TCF7L1: variants seen among roughly 807,000 people sequenced by gnomAD.
TCF7L1 encodes the protein transcription factor 7-like 1.
In TCF7L1, 18 loss-of-function variants were observed where a neutral mutation model predicts 63.7. The observed-to-expected ratio is 0.28, with a 90% confidence interval of 0.20 to 0.42. TCF7L1 has a LOEUF of 0.42. TCF7L1 is among the 10% of genes least tolerant of loss of function. TCF7L1 has a pLI of 1.00. For synonymous variants in TCF7L1, 355 were observed against 340.9 expected (o/e 1.04, Z -0.46); for missense variants, 654 against 779.3 (o/e 0.84, Z 1.91).
At chr2:85,145,972 A>G (rs933288825) in intron 3 of TCF7L1, among the ~76,000 whole-genome samples, 20 of 152,038 alleles carry the variant, frequency 1.3e-4, no homozygotes, top group Non-Finnish European at 7.4e-5. Context: ...CGACCTCCCA[A>G]AGTGCTGGGA....
At chr2:85,168,007 A>G (rs975674706) in intron 3 of TCF7L1, among the ~76,000 whole-genome samples, 6 of 152,196 alleles carry the variant, frequency 3.9e-5, no homozygotes, top group African/African-American at 1.4e-4. Context: ...AAATAGTCAA[A>G]CTTAAAGAAC....
intron 6 of TCF7L1, 60 bp from the exon 7 acceptor site, chr2:85,304,195 C>T: frequency 6.6e-7 from 1 of 1,520,356 alleles, no homozygotes; most frequent in Non-Finnish European, 9.1e-7. Context: ...TTCCCAAGTG[C>T]CTCTCTTCCT....
chr2:85,230,303 A>G (rs1385056005), intron 3 of TCF7L1, among the ~76,000 whole-genome samples: 1 of 152,184 alleles, frequency 6.6e-6, no homozygotes, highest in Non-Finnish European at 1.5e-5. Flanking sequence ...CTGGAGTACA[A>G]TCCTAGATTT....
intron 3 of TCF7L1, among the ~76,000 whole-genome samples, chr2:85,160,763 G>A (rs1460044496): frequency 6.6e-6 from 1 of 152,060 alleles, no homozygotes; most frequent in Admixed American, 6.5e-5. Flanking sequence ...GAGGTGGGAG[G>A]ATCACTTTAG....
intron 3 of TCF7L1, among the ~76,000 whole-genome samples, chr2:85,162,176 A>G (rs2104221844): frequency 6.6e-6 from 1 of 152,266 alleles, no homozygotes; most frequent in South Asian, 2.1e-4. Context: ...TTGAGGCTGC[A>G]GTGAAGTATG....
intron 3 of TCF7L1, among the ~76,000 whole-genome samples, chr2:85,238,283 G>T (rs910152919): frequency 1.4e-4 from 21 of 152,212 alleles, no homozygotes; most frequent in African/African-American, 4.6e-4. Context: ...GAGCCCCGAA[G>T]TCAGGGCAGG....
At chr2:85,140,298 C>T (rs563833420) in intron 3 of TCF7L1, among the ~76,000 whole-genome samples, 3 of 152,196 alleles carry the variant, frequency 2.0e-5, no homozygotes, top group African/African-American at 7.2e-5. Flanking sequence ...CCCTCGGTTT[C>T]ATTGGAGACA....
intron 3 of TCF7L1, among the ~76,000 whole-genome samples, chr2:85,270,686 A>T (rs998838026): frequency 6.6e-6 from 1 of 151,838 alleles, no homozygotes; most frequent in African/African-American, 2.4e-5. Flanking sequence ...GATCAGTTGG[A>T]AGTTTCTTTA....
At chr2:85,243,546 G>A (rs968365726) in intron 3 of TCF7L1, among the ~76,000 whole-genome samples, 6 of 152,092 alleles carry the variant, frequency 3.9e-5, no homozygotes, top group Non-Finnish European at 5.9e-5. Context: ...CAGTGTTTTC[G>A]GAATTGTCTG....
chr2:85,166,156 G>T (rs1445691806), intron 3 of TCF7L1, among the ~76,000 whole-genome samples: 1 of 152,226 alleles, frequency 6.6e-6, no homozygotes, highest in Non-Finnish European at 1.5e-5. Flanking sequence ...CACCTGTCTG[G>T]TCAGCCTTGG....
rs555098648 is a variant in TCF7L1 at position 85,176,760 on chromosome 2, G to A, written c.441+42310G>A. 5.3e-4 allele frequency among the ~76,000 whole-genome samples: 81 copies of A among 152,324 alleles called. 1 individual carries two copies. In the South Asian group the frequency reaches 0.017, roughly 32 times the overall value. On this transcript the variant is annotated intron_variant, in intron 3 of 11. Transcript: ENST00000282111. ...CCAGGACTTCAGGAGGCTGAAGCAG[G>A]TGGATCAGTTGAAGTCAGGAGTTCA...
intron 3 of TCF7L1, among the ~76,000 whole-genome samples, chr2:85,282,904 G>A (rs1266948181): frequency 6.6e-6 from 1 of 151,536 alleles, no homozygotes; most frequent in Non-Finnish European, 1.5e-5. Context: ...GGGGTGCTGG[G>A]TAATCTTTTT....
chr2:85,264,836 G>A (rs1008267542), intron 3 of TCF7L1, among the ~76,000 whole-genome samples: 2 of 152,146 alleles, frequency 1.3e-5, no homozygotes, highest in East Asian at 1.9e-4. Flanking sequence ...ATGTGCTAAC[G>A]CCGTTAGGAG....
intron 3 of TCF7L1, among the ~76,000 whole-genome samples, chr2:85,282,784 G>C (rs1262983848): frequency 6.7e-6 from 1 of 148,358 alleles, no homozygotes; most frequent in Non-Finnish European, 1.5e-5. Flanking sequence ...ATGCCAGAGA[G>C]AGAGAGAGAT....
At chr2:85,218,639 T>TGCG (rs1553400270) in intron 3 of TCF7L1, among the ~76,000 whole-genome samples, 1 of 149,970 alleles carries the variant, frequency 6.7e-6, no homozygotes, top group African/African-American at 2.5e-5. Flanking sequence ...TTTATTCCAA[T>TGCG]GGGGGGGGGA....
chr2:85,264,933 T>C (rs1368761179), intron 3 of TCF7L1, among the ~76,000 whole-genome samples: 1 of 152,202 alleles, frequency 6.6e-6, no homozygotes, highest in Non-Finnish European at 1.5e-5. Flanking sequence ...CACTTTGTGA[T>C]GGCTAATTTA....
chr2:85,280,900 GCTTCGTGA>G (rs1171567535), intron 3 of TCF7L1, among the ~76,000 whole-genome samples: 6 of 152,150 alleles, frequency 3.9e-5, no homozygotes, highest in Non-Finnish European at 8.8e-5. Flanking sequence ...CTTAGGAAAA[GCTTCGTGA>G]CTTGGTCTTG....
chr2:85,212,051 C>A (rs1367352744), intron 3 of TCF7L1, among the ~76,000 whole-genome samples: 6 of 139,008 alleles, frequency 4.3e-5, no homozygotes, highest in Non-Finnish European at 9.2e-5. Flanking sequence ...GATCACGCCG[C>A]TGCACTCCAG....
Position 85,306,256 on chromosome 2 carries a change from A to G in TCF7L1, c.1040A>G (p.Lys347Arg). The change falls in exon 9 of 12, where the codon AAG becomes AGG. Residue 347 changes from lysine (K) to arginine (R), a missense_variant. Lys to Arg is a conservative substitution (Grantham distance 26, BLOSUM62 2). This residue lies in a region of TCF7L1 where 66 missense variants were observed against 120.5 expected (regional missense o/e 0.55). Transcript: ENST00000282111. This position sits in a 1 kb window ranked among gnomAD's most constrained non-coding sequence, Gnocchi z 4.3. The stretch of plus-strand genomic sequence containing the variant: ...GAGGAGGAAAAGAAGCCCCACGTGA[A>G]GAAGCCTCTGAATGCCTTCATGTTG... Reference protein sequence around the residue: ...KKEEEKKPHVKKPLNAFMLYM... With the variant: ...KKEEEKKPHVRKPLNAFMLYM... The G allele has an allele frequency of 6.2e-7, 1 of 1,614,212 alleles. No individual in the cohort carries two copies. Among genetic ancestry groups the G allele is most frequent in the East Asian group, 2.2e-5 (1 of 44,884 alleles).
Sources: gnomAD v4.1 joint callset for allele counts (sites outside exome capture counted in the v4.1 genomes callset) on GRCh38, gnomAD v4.1.1 for gene constraint, gnomAD v4.1.1 regional missense constraint, Gnocchi (gnomAD v3.1) non-coding constraint, MANE v1.5 for transcripts, NCBI Gene and HGNC (gene_info 2026-07-23, HGNC 2026-07-21) for gene names.